NELL1: variants seen among roughly 807,000 people sequenced by gnomAD.
The protein encoded by NELL1 is protein kinase C-binding protein NELL1.
NELL1 carries 76 observed loss-of-function variants against 107.4 expected under a neutral mutation model. That is an observed-to-expected ratio of 0.71 (90% confidence interval 0.59 to 0.86). The LOEUF is 0.86. NELL1 is among the 40% of genes least tolerant of loss of function. The pLI is 0.00. For missense variants in NELL1, 1,024 were observed against 1,005.5 expected, an observed-to-expected ratio of 1.02 and a Z score of -0.25; for synonymous variants, 353 against 341.2, an observed-to-expected ratio of 1.03 and a Z score of -0.38.
At chr11:20,846,074 T>C (rs1848696861) in intron 3 of NELL1, among the ~76,000 whole-genome samples, 1 of 152,236 alleles carries the variant, frequency 6.6e-6, no homozygotes, top group Non-Finnish European at 1.5e-5. Flanking sequence ...TGTGCAGTCT[T>C]ATAAAGTATG....
chr11:20,800,711 A>G (rs1448916737), intron 3 of NELL1, among the ~76,000 whole-genome samples: 2 of 152,134 alleles, frequency 1.3e-5, no homozygotes, highest in African/African-American at 4.8e-5. Context: ...GTGCAGCACA[A>G]AAGTGGGGGA....
intron 15 of NELL1, among the ~76,000 whole-genome samples, chr11:21,475,220 T>C (rs975912269): frequency 5.3e-5 from 8 of 152,190 alleles, no homozygotes; most frequent in African/African-American, 1.9e-4. Flanking sequence ...TTATCTATGC[T>C]TTTTTTAATT....
chr11:21,344,590 T>C (rs915282688), intron 14 of NELL1, among the ~76,000 whole-genome samples: 1 of 152,146 alleles, frequency 6.6e-6, no homozygotes, highest in Non-Finnish European at 1.5e-5. Context: ...TGGTATTTAA[T>C]TGTAAGTCTG....
At chr11:21,156,357 G>A (rs908462488) in intron 13 of NELL1, among the ~76,000 whole-genome samples, 1 of 152,170 alleles carries the variant, frequency 6.6e-6, no homozygotes, top group Non-Finnish European at 1.5e-5. Flanking sequence ...GAGTAGAGAA[G>A]GTTAACAACA....
chr11:20,714,969 A>C (rs575648395), intron 2 of NELL1, among the ~76,000 whole-genome samples: 28 of 151,994 alleles, frequency 1.8e-4, no homozygotes, highest in African/African-American at 2.4e-4. Context: ...ATAGGACGGG[A>C]GCGGTGGCTC....
chr11:21,247,101 C>T (rs1477868802), intron 14 of NELL1, among the ~76,000 whole-genome samples: 1 of 152,092 alleles, frequency 6.6e-6, no homozygotes, highest in African/African-American at 2.4e-5. Context: ...GGGCACTTAC[C>T]ATGACTGGAG....
At position 20,919,226 on chromosome 11, in the gene NELL1, A is replaced by T. The variant is rs1011572213; in HGVS notation, c.677-26A>T. On this transcript the variant is annotated intron_variant, in intron 6 of 19. Coordinates refer to ENST00000357134, the MANE Select transcript of NELL1 (RefSeq NM_006157.5). Reference sequence around the variant, plus strand: ...TCTTATATTAGCACAATATAAATATATATGTTTTATATTTTCTTTATTGAG... The same window carrying T: ...TCTTATATTAGCACAATATAAATATTTATGTTTTATATTTTCTTTATTGAG... 3.0e-6 allele frequency: 4 copies of T among 1,324,914 alleles called. No homozygotes were observed. In the African/African-American group the frequency reaches 5.9e-5, roughly 19 times the overall value. The allele number at this position is 1,324,914 out of a possible 1,614,324, so 82.1% of individuals were successfully genotyped here.
intron 12 of NELL1, among the ~76,000 whole-genome samples, chr11:20,989,589 G>C (rs935519890): frequency 6.6e-5 from 10 of 152,102 alleles, no homozygotes; most frequent in African/African-American, 1.4e-4. Context: ...AAATTAGCTG[G>C]GGTATAAAGC....
intron 14 of NELL1, among the ~76,000 whole-genome samples, chr11:21,336,668 T>TACACACACACACAC (rs561195381): frequency 3.3e-4 from 19 of 57,374 alleles, no homozygotes; most frequent in East Asian, 9.8e-4. Flanking sequence ...TATATATATA[T>TACACACACACACAC]ATATATACAC....
chr11:20,742,395 G>A (rs1254382560), intron 2 of NELL1, among the ~76,000 whole-genome samples: 1 of 152,098 alleles, frequency 6.6e-6, no homozygotes, highest in Admixed American at 6.6e-5. Flanking sequence ...GAGACTCAGG[G>A]ATCTTGGCTC....
intron 2 of NELL1, among the ~76,000 whole-genome samples, chr11:20,726,379 A>G (rs1303352605): frequency 1.3e-5 from 2 of 152,222 alleles, no homozygotes; most frequent in Non-Finnish European, 2.9e-5. Context: ...CAAAGTGAAT[A>G]CAACTGTATA....
At chr11:21,029,284 T>C (rs1385922722) in intron 12 of NELL1, among the ~76,000 whole-genome samples, 5 of 152,210 alleles carry the variant, frequency 3.3e-5, no homozygotes, top group Non-Finnish European at 2.9e-5. Context: ...AAATTTCCTA[T>C]CATAAAGTTC....
intron 2 of NELL1, among the ~76,000 whole-genome samples, chr11:20,728,116 GT>G (rs1448232507): frequency 2.0e-5 from 3 of 152,064 alleles, no homozygotes. Context: ...TTCGAGGAGT[GT>G]TTGTTCACGT....
At position 21,229,351 on chromosome 11, in the gene NELL1, C is replaced by G; in HGVS notation, c.1446C>G (p.Ser482Arg). Residue 482 changes from serine (S) to arginine (R), a missense_variant, in exon 14 of 20, where the codon AGC (serine) becomes AGG (arginine). By Grantham distance (110) the Ser-to-Arg change is moderately radical (BLOSUM62 -1). Transcript: ENST00000357134. ...FSCTEHDECGSGQHNCDENAI... is the reference protein window; with the variant it reads ...FSCTEHDECGRGQHNCDENAI... ...AAACAGAACACGATGAATGTGGCAG[C>G]GGCCAGCACAACTGTGATGAGAATG... is the stretch of plus-strand genomic sequence containing the variant. 6.2e-7 allele frequency: 1 copy of G among 1,613,924 alleles called. No individual in the cohort carries two copies. The highest frequency in any genetic ancestry group is 8.5e-7 in the Non-Finnish European group (1 of 1,179,872).
chr11:20,933,020 A>G (rs528186688), intron 9 of NELL1, among the ~76,000 whole-genome samples: 91 of 152,362 alleles, frequency 6.0e-4, no homozygotes, highest in African/African-American at 2.2e-3. Flanking sequence ...TAACTGCCAG[A>G]GGGAATTGCA....
intron 12 of NELL1, among the ~76,000 whole-genome samples, chr11:20,976,247 G>T (rs1188191633): frequency 1.3e-5 from 2 of 151,460 alleles, no homozygotes; most frequent in Admixed American, 1.3e-4. Context: ...TAATGTTCAG[G>T]TTGATTTTTT....
intron 14 of NELL1, among the ~76,000 whole-genome samples, chr11:21,234,445 C>A (rs73452277): frequency 6.6e-6 from 1 of 152,118 alleles, no homozygotes; most frequent in African/African-American, 2.4e-5. Context: ...TTCTCACTCC[C>A]TGACCAGTGC....
chr11:21,287,941 A>G (rs1413820431), intron 14 of NELL1, among the ~76,000 whole-genome samples: 3 of 151,876 alleles, frequency 2.0e-5, no homozygotes, highest in Admixed American at 6.6e-5. Flanking sequence ...AACCTAGGAT[A>G]GGGACAGGCT....
At chr11:21,218,893 G>T (rs563082051) in intron 13 of NELL1, among the ~76,000 whole-genome samples, 15 of 152,126 alleles carry the variant, frequency 9.9e-5, no homozygotes, top group African/African-American at 3.4e-4. Context: ...TTGTATTGAT[G>T]GACACTTAGG....
Sources: gnomAD v4.1 joint callset for allele counts (sites outside exome capture counted in the v4.1 genomes callset) on GRCh38, gnomAD v4.1.1 for gene constraint, MANE v1.5 for transcripts, NCBI Gene and HGNC (gene_info 2026-07-23, HGNC 2026-07-21) for gene names.